Variants in WDR88 observed in about 807,000 individuals in gnomAD.
WDR88 encodes the protein WD repeat domain 88.
Under a neutral mutation model 46.8 loss-of-function variants are expected in WDR88, and 40 were observed. The observed-to-expected ratio is 0.86, with a 90% CI of 0.66 to 1.11. The LOEUF (loss-of-function observed/expected upper bound fraction) is 1.11, where lower values mean the gene tolerates loss of function less well. Among genes scored for constraint, WDR88 ranks in the 50% most tolerant of loss-of-function variants. The pLI is 0.00. For missense variants in WDR88, 562 were observed against 602.4 expected (o/e 0.93, Z 0.70); for synonymous variants, 235 against 240.7 (o/e 0.98, Z 0.22).
At chr19:33,157,248 G>T (rs1599902875) in intron 7 of WDR88, among the ~76,000 whole-genome samples, 1 of 150,942 alleles carries the variant, frequency 6.6e-6, no homozygotes, top group African/African-American at 2.4e-5. Flanking sequence ...TGTAATCCCA[G>T]CACTTTGGGA....
At position 33,175,588 on chromosome 19, in the gene WDR88, T is replaced by C. The variant is rs1974110262; in HGVS notation, c.*16T>C. The C allele has an allele frequency of 6.2e-7, 1 of 1,613,854 alleles. No homozygotes were observed. The highest frequency in any genetic ancestry group is 1.3e-5 in the African/African-American group (1 of 75,040). ...GGATGACTGACAGCCACAGGCCCCT[T>C]TGAGTGACTCCAGCACAGGCTACCT... On this transcript the variant is annotated 3_prime_UTR_variant, in exon 11 of 11. Transcript: ENST00000355868.
At chr19:33,134,390 G>A (rs370298936) in intron 1 of WDR88, among the ~76,000 whole-genome samples, 6 of 151,612 alleles carry the variant, frequency 4.0e-5, no homozygotes, top group Non-Finnish European at 2.9e-5. Context: ...GGGGAGTCTC[G>A]CCATGTTGCC....
Position 33,148,759 on chromosome 19 carries a change from T to C in WDR88, c.541-13T>C, listed in dbSNP as rs745728891. ...TGGCTTAAAACAACCTTTTGATTGC[T>C]GGCTCATTTCAGTGGAAGGTCAGGT... On this transcript the variant is annotated splice_polypyrimidine_tract_variant and intron_variant, in intron 4 of 10. Coordinates refer to ENST00000355868, the MANE Select transcript of WDR88 (RefSeq NM_173479.4). The C allele has an allele frequency of 2.5e-6, 4 of 1,614,148 alleles. No individual in the cohort carries two copies. The highest frequency in any genetic ancestry group is 8.5e-7 in the Non-Finnish European group (1 of 1,179,986).
At position 33,164,194 on chromosome 19, in the gene WDR88, C is replaced by T. The variant is rs1274083413; in HGVS notation, c.1081-3C>T. 1 of 1,612,572 alleles carries T rather than the reference C, an allele frequency of 6.2e-7. No homozygotes were observed. Among genetic ancestry groups the T allele is most frequent in the African/African-American group, 1.3e-5 (1 of 74,908 alleles). On this transcript the variant is annotated splice_polypyrimidine_tract_variant and splice_region_variant and intron_variant, in intron 8 of 10. Coordinates refer to ENST00000355868, the MANE Select transcript of WDR88 (RefSeq NM_173479.4). ...TTTTCATTAAAATTTGATATTTCTT[C>T]AGGGCCATAATGACTGGGTGATGGA...
intron 8 of WDR88, among the ~76,000 whole-genome samples, chr19:33,163,979 GT>G (rs986081636): frequency 2.0e-5 from 3 of 149,926 alleles, no homozygotes; most frequent in Non-Finnish European, 3.0e-5. Context: ...ACTTTTTGTT[GT>G]TTTTTTAGAT....
At chr19:33,139,318 G>T (rs987640686) in intron 2 of WDR88, among the ~76,000 whole-genome samples, 11 of 152,250 alleles carry the variant, frequency 7.2e-5, no homozygotes, top group Non-Finnish European at 1.3e-4. Flanking sequence ...AGGCAGTGCA[G>T]ATCACTCAGG....
intron 8 of WDR88, 97 bp from the exon 9 acceptor site, chr19:33,164,100 G>A: frequency 8.7e-7 from 1 of 1,151,934 alleles, no homozygotes; most frequent in Non-Finnish European, 1.3e-6. Context: ...TTCCCAAAAG[G>A]CAGGTTACAG....
At chr19:33,146,807 C>T (rs974423876) in intron 3 of WDR88, among the ~76,000 whole-genome samples, 6 of 152,152 alleles carry the variant, frequency 3.9e-5, no homozygotes, top group African/African-American at 1.4e-4. Context: ...CATGAGCCAC[C>T]GTGCTTGGCT....
At chr19:33,155,349 C>T (rs563507831) in intron 6 of WDR88, among the ~76,000 whole-genome samples, 1 of 152,158 alleles carries the variant, frequency 6.6e-6, no homozygotes, top group Non-Finnish European at 1.5e-5. Flanking sequence ...CTATGTTGCC[C>T]AGGCTGGTGT....
chr19:33,156,543 G>A lies in WDR88; in HGVS notation c.997+1G>A. The A allele has an allele frequency of 6.2e-7, 1 of 1,611,796 alleles. No individual in the cohort carries two copies. The highest frequency in any genetic ancestry group is 8.5e-7 in the Non-Finnish European group (1 of 1,178,712). ...AGTTCCTGTCACTTTGCCAGAGACA[G>A]TGAGTAATTAACATGCAGAAGGCCT... On this transcript the variant is annotated splice_donor_variant, in intron 7 of 10. Coordinates refer to ENST00000355868, the MANE Select transcript of WDR88 (RefSeq NM_173479.4). LOFTEE classifies it high-confidence loss of function.
At chr19:33,141,270 C>A (rs995505144) in intron 2 of WDR88, among the ~76,000 whole-genome samples, 30 of 140,354 alleles carry the variant, frequency 2.1e-4, no homozygotes, top group African/African-American at 8.8e-4. Context: ...CACTCTGTTG[C>A]CCAGGCTGAA....
chr19:33,138,692 T>C (rs1338617271), intron 2 of WDR88, among the ~76,000 whole-genome samples: 4 of 148,770 alleles, frequency 2.7e-5, no homozygotes, highest in Non-Finnish European at 6.0e-5. Context: ...CTTTTCTTTT[T>C]TTTTTTTTTG....
At chr19:33,141,855 A>G (rs1973402343) in intron 2 of WDR88, among the ~76,000 whole-genome samples, 1 of 151,828 alleles carries the variant, frequency 6.6e-6, no homozygotes, top group African/African-American at 2.4e-5. Context: ...TAATTTTTGT[A>G]TTTTTAGTAG....
Position 33,172,348 on chromosome 19 carries a change from G to T in WDR88, c.1150G>T (p.Asp384Tyr), listed in dbSNP as rs764781611. The change falls in exon 10 of 11, where the codon GAT becomes TAT. Residue 384 changes from aspartate to tyrosine, a missense_variant and splice_region_variant. Coordinates refer to ENST00000355868, the MANE Select transcript of WDR88 (RefSeq NM_173479.4). ...ACCGCTGGTTTGCTATTTGTTTTAG[G>T]ATAGGACCATGAGACTGTGGAATAT... ...NKKWILSASK[D>Y]RTMRLWNIEE... 1 of 1,613,004 alleles carries T rather than the reference G, an allele frequency of 6.2e-7. No individual in the cohort carries two copies. The highest frequency in any genetic ancestry group is 8.5e-7 in the Non-Finnish European group (1 of 1,179,508).
intron 8 of WDR88, among the ~76,000 whole-genome samples, chr19:33,161,155 A>G (rs936797006): frequency 4.6e-5 from 7 of 152,046 alleles, no homozygotes; most frequent in African/African-American, 1.4e-4. Context: ...CCTGGGCGAT[A>G]GACTGAGATT....
intron 6 of WDR88, among the ~76,000 whole-genome samples, chr19:33,152,934 T>G (rs1223938373): frequency 2.0e-5 from 3 of 152,184 alleles, no homozygotes; most frequent in Non-Finnish European, 4.4e-5. Context: ...ATACCACATT[T>G]TGTTTATCTG....
chr19:33,156,271 A>G (rs1426378157), intron 6 of WDR88, 84 bp from the exon 7 acceptor site: 3 of 1,429,626 alleles, frequency 2.1e-6, no homozygotes, highest in Non-Finnish European at 2.9e-6. Flanking sequence ...AGCTCACAGG[A>G]GAAAATACCC....
chr19:33,139,351 G>T (rs55718225), intron 2 of WDR88, among the ~76,000 whole-genome samples: 3,229 of 152,330 alleles, frequency 0.021, 102 homozygotes, highest in African/African-American at 0.074. Flanking sequence ...GAGCAGGGCT[G>T]GGGGAAGGCA....
intron 1 of WDR88, 45 bp downstream of exon 1, chr19:33,132,490 C>T: frequency 6.3e-7 from 1 of 1,598,950 alleles, no homozygotes; most frequent in Non-Finnish European, 8.6e-7. Context: ...CTGTTCCCCA[C>T]ACGGGAGGAA....
Sources: gnomAD v4.1 joint callset for allele counts (sites outside exome capture counted in the v4.1 genomes callset) on GRCh38, gnomAD v4.1.1 for gene constraint, MANE v1.5 for transcripts, NCBI Gene and HGNC (gene_info 2026-07-23, HGNC 2026-07-21) for gene names.